The following FANCE variants were observed in gnomAD, a reference collection of about 807,000 sequenced individuals.
FANCE encodes the protein Fanconi anemia group E protein.
FANCE carries 42 observed loss-of-function variants against 57.8 expected under a neutral mutation model. The observed-to-expected ratio is 0.73, with a 90% CI of 0.57 to 0.94. The LOEUF is 0.94. FANCE is among the 40% of genes least tolerant of loss of function. The pLI is 0.00. For missense variants in FANCE, 608 were observed against 661.8 expected (o/e 0.92, Z 0.89); for synonymous variants, 251 against 286.4 (o/e 0.88, Z 1.25).
intron 7 of FANCE, 78 bp downstream of exon 7, chr6:35,459,838 C>A: frequency 7.5e-7 from 1 of 1,325,236 alleles, no homozygotes; most frequent in South Asian, 1.2e-5. Context: ...GTGTTGGGCC[C>A]TGCAGGGAAG....
rs551886976 is a variant in FANCE at position 35,453,611 on chromosome 6, C to T, written c.248+818C>T. ...CTTCCACTCCTCTTGGATACCCCTC[C>T]CCCATAATTTATGCTGGAAACCATC... On this transcript the variant is annotated intron_variant, in intron 1 of 9. Coordinates refer to ENST00000229769, the MANE Select transcript of FANCE (RefSeq NM_021922.3). 2.0e-5 allele frequency among the ~76,000 whole-genome samples: 3 copies of T among 152,296 alleles called. No homozygotes were observed. The East Asian group carries it at 5.8e-4, about 29-fold the overall frequency.
At position 35,452,599 on chromosome 6, in the gene FANCE, C is replaced by G; in HGVS notation, c.54C>G (p.Pro18=). 7.6e-7 allele frequency: 1 copy of G among 1,316,878 alleles called. No homozygotes were observed. Among genetic ancestry groups the G allele is most frequent in the Non-Finnish European group, 9.7e-7 (1 of 1,030,436 alleles). 81.6% of individuals were successfully genotyped at this position (1,316,878 alleles called of 1,614,324 possible). A position where few individuals can be genotyped will look rare whatever the true frequency, so the allele number is the denominator to read the frequency against. Residue 18 remains proline, a synonymous_variant, in exon 1 of 10, where the codon CCC becomes CCG. Coordinates refer to ENST00000229769, the MANE Select transcript of FANCE (RefSeq NM_021922.3). ...LPGAEGVEPA[P]WAQLEAPARL... ...GGGCTGAGGGCGTGGAGCCGGCGCCCTGGGCGCAGCTGGAGGCCCCCGCCC... is the reference window on the plus strand; with the variant it reads ...GGGCTGAGGGCGTGGAGCCGGCGCCGTGGGCGCAGCTGGAGGCCCCCGCCC...
intron 5 of FANCE, among the ~76,000 whole-genome samples, chr6:35,459,009 G>A (rs1016642940): frequency 6.6e-6 from 1 of 152,088 alleles, no homozygotes; most frequent in African/African-American, 2.4e-5. Context: ...TCGAACTCCT[G>A]GCCTCAAGTG....
chr6:35,462,810 T>G lies in FANCE; in HGVS notation c.1405T>G (p.Phe469Val). ...ERQVEMTPEK[F>V]SVLMEKLCKK... ...GCAGGTGGAGATGACCCCTGAGAAG[T>G]TCAGTGTCTTAATGGAGAAGCTCTG... Residue 469 changes from phenylalanine to valine, a missense_variant, in exon 9 of 10, where the codon TTC (phenylalanine) becomes GTC (valine). Transcript: ENST00000229769. 1 of 1,614,140 alleles carries G rather than the reference T, an allele frequency of 6.2e-7. No homozygotes were observed. The highest frequency in any genetic ancestry group is 8.5e-7 in the Non-Finnish European group (1 of 1,179,998).
At position 35,455,868 on chromosome 6, in the gene FANCE, G is replaced by T. The variant is rs1313970836; in HGVS notation, c.370G>T (p.Asp124Tyr). ...CTCTGTGCTGCAGATTGCCCAGCAG[G>T]ACCTAGCCCCTGACCCAGATGCCTG... is the stretch of plus-strand genomic sequence containing the variant. ...LLSVLQIAQQ[D>Y]LAPDPDAWLR... Residue 124 changes from aspartate (D) to tyrosine (Y), a missense_variant, in exon 2 of 10, where the codon GAC becomes TAC. Asp to Tyr is a radical substitution (Grantham distance 160, BLOSUM62 -3). Coordinates refer to ENST00000229769, the MANE Select transcript of FANCE (RefSeq NM_021922.3). The T allele has an allele frequency of 1.2e-6, 2 of 1,614,054 alleles. No individual in the cohort carries two copies. The highest frequency in any genetic ancestry group is 8.5e-7 in the Non-Finnish European group (1 of 1,180,038).
At chr6:35,460,087 A>C (rs1767523423) in intron 7 of FANCE, among the ~76,000 whole-genome samples, 1 of 131,464 alleles carries the variant, frequency 7.6e-6, no homozygotes, top group Admixed American at 8.9e-5. Context: ...TGCCAGCATC[A>C]AGAAGGCTCT....
rs893079544 is a variant in FANCE, at chr6:35,452,523, C to T, written c.-23C>T. The T allele has an allele frequency of 1.6e-6, 2 of 1,281,020 alleles. No individual in the cohort carries two copies. Among genetic ancestry groups the T allele is most frequent in the Admixed American group, 3.5e-5 (1 of 28,764 alleles). The allele number at this position is 1,281,020 out of a possible 1,614,324, so 79.4% of individuals were successfully genotyped here. A position where few individuals can be genotyped will look rare whatever the true frequency, so the allele number is the denominator to read the frequency against. ...TGAGGCCCCACACCAGAGTAGGGGGCGGCGCGGCACCCGTGCCCCGGCATG... is the reference window on the plus strand; with the variant it reads ...TGAGGCCCCACACCAGAGTAGGGGGTGGCGCGGCACCCGTGCCCCGGCATG... On this transcript the variant is annotated 5_prime_UTR_variant, in exon 1 of 10. Coordinates refer to ENST00000229769, the MANE Select transcript of FANCE (RefSeq NM_021922.3).
intron 1 of FANCE, among the ~76,000 whole-genome samples, chr6:35,454,794 G>C (rs1291363826): frequency 2.0e-5 from 3 of 152,242 alleles, no homozygotes; most frequent in Admixed American, 6.5e-5. Flanking sequence ...AATCTGTAAA[G>C]TGATTCCTTC....
intron 8 of FANCE, 116 bp downstream of exon 8, chr6:35,460,734 C>A: frequency 1.1e-6 from 1 of 936,002 alleles, no homozygotes. Flanking sequence ...AGGACAGCTG[C>A]CCTACAGCAG....
Position 35,467,048 on chromosome 6 carries a change from T to C in FANCE, c.*703T>C, listed in dbSNP as rs1330246468. ...ATGTATATTATGACCTTCTGTGTTT[T>C]TGTTTCTGACTTGAATAATTTATCA... On this transcript the variant is annotated 3_prime_UTR_variant, in exon 10 of 10. Transcript: ENST00000229769. 1 of 215,768 alleles carries C rather than the reference T, an allele frequency of 4.6e-6. No homozygotes were observed. Among genetic ancestry groups the C allele is most frequent in the Non-Finnish European group, 9.3e-6 (1 of 107,052 alleles). 13.4% of individuals were successfully genotyped at this position (215,768 alleles called of 1,614,324 possible). A position where few individuals can be genotyped will look rare whatever the true frequency, so the allele number is the denominator to read the frequency against.
chr6:35,460,711 T>C, intron 8 of FANCE, 93 bp downstream of exon 8: 1 of 1,175,020 alleles, frequency 8.5e-7, no homozygotes, highest in Non-Finnish European at 1.3e-6. Flanking sequence ...CTTCAGTGCA[T>C]GGAGGGTCAA....
chr6:35,460,396 G>A (rs530348304), intron 7 of FANCE, among the ~76,000 whole-genome samples, 156 bp from the exon 8 acceptor site: 1 of 152,328 alleles, frequency 6.6e-6, no homozygotes, highest in African/African-American at 2.4e-5. Flanking sequence ...GATTACAGGT[G>A]TGAGCCACTG....
chr6:35,462,583 A>G lies in FANCE; in HGVS notation c.1384-206A>G, dbSNP rs796276000. 4.6e-5 allele frequency among the ~76,000 whole-genome samples: 7 copies of G among 152,220 alleles called. 1 individual carries two copies. Among genetic ancestry groups the G allele is most frequent in the African/African-American group, 1.4e-4 (6 of 41,514 alleles). ...GAGACCTGTGTGTCTTATGTGCATT[A>G]TCTCATTTAATCCTTTTCACAGTCT... is the stretch of plus-strand genomic sequence containing the variant. On this transcript the variant is annotated intron_variant, in intron 8 of 9. Coordinates refer to ENST00000229769, the MANE Select transcript of FANCE (RefSeq NM_021922.3).
intron 4 of FANCE, 28 bp from the exon 5 acceptor site, chr6:35,458,269 C>T: frequency 6.2e-7 from 1 of 1,612,232 alleles, no homozygotes; most frequent in Non-Finnish European, 8.5e-7. Context: ...GTCCCGGTGT[C>T]CTCTCTCCCC....
intron 9 of FANCE, 117 bp downstream of exon 9, chr6:35,463,031 TG>T (rs1767654738): frequency 7.0e-7 from 1 of 1,430,544 alleles, no homozygotes; most frequent in Non-Finnish European, 9.7e-7. Flanking sequence ...CCAGGCACGG[TG>T]GCTCACGCCT....
rs777255338 is a variant in FANCE, at chr6:35,456,374, G to A, written c.855+21G>A. On this transcript the variant is annotated intron_variant, in intron 2 of 9. Transcript: ENST00000229769. This position sits in a 1 kb window ranked among gnomAD's most constrained non-coding sequence, Gnocchi z 4.3. ...TCCAGGTACTTTGGTAGGGAGACTG[G>A]GTTTAGAGTGATCTTTCAGCAGTGG... 6.2e-7 allele frequency: 1 copy of A among 1,614,154 alleles called. No individual in the cohort carries two copies. The highest frequency in any genetic ancestry group is 1.1e-5 in the South Asian group (1 of 91,074).
At chr6:35,459,196 C>T in intron 5 of FANCE, 135 bp from the exon 6 acceptor site, 1 of 1,095,818 alleles carries the variant, frequency 9.1e-7, no homozygotes, top group East Asian at 2.4e-5. Context: ...TGGGTGGGTC[C>T]ATGTGAGTTC....
intron 1 of FANCE, among the ~76,000 whole-genome samples, chr6:35,453,614 C>T (rs1197598000): frequency 1.3e-5 from 2 of 152,198 alleles, no homozygotes; most frequent in Non-Finnish European, 2.9e-5. Flanking sequence ...ACCCCTCCCC[C>T]ATAATTTATG....
chr6:35,456,675 C>T lies in FANCE; in HGVS notation c.855+322C>T, dbSNP rs1013805037. On this transcript the variant is annotated intron_variant, in intron 2 of 9. Transcript: ENST00000229769. This position sits in a 1 kb window ranked among gnomAD's most constrained non-coding sequence, Gnocchi z 4.3. ...GATTATAGGCATGCGCCACCACGCC[C>T]AGCTAATTTTGTATTTTTAGTAGAG... Among the ~76,000 whole-genome samples, 3 of 151,904 alleles carry T rather than the reference C, an allele frequency of 2.0e-5. No homozygotes were observed. Among genetic ancestry groups the T allele is most frequent in the African/African-American group, 7.3e-5 (3 of 41,320 alleles).
Sources: gnomAD v4.1 joint callset for allele counts (sites outside exome capture counted in the v4.1 genomes callset) on GRCh38, gnomAD v4.1.1 for gene constraint, Gnocchi (gnomAD v3.1) non-coding constraint, MANE v1.5 for transcripts, NCBI Gene and HGNC (gene_info 2026-07-23, HGNC 2026-07-21) for gene names.